WIPF2: variants seen among roughly 807,000 people sequenced by gnomAD.
The protein encoded by WIPF2 is WAS/WASL-interacting protein family member 2.
Under a neutral mutation model 38.8 loss-of-function variants are expected in WIPF2, and 23 were observed. The ratio of observed to expected loss-of-function variants is 0.59; its 90% CI spans 0.43 to 0.84. The LOEUF is 0.84. WIPF2 is among the 40% of genes least tolerant of loss of function. The pLI, the probability that WIPF2 is intolerant of heterozygous loss-of-function variation, is 0.00. For synonymous variants in WIPF2, 210 were observed against 223.2 expected (o/e 0.94, Z 0.53); for missense variants, 574 against 580.5 (o/e 0.99, Z 0.11).
intron 1 of WIPF2, among the ~76,000 whole-genome samples, chr17:40,228,011 T>G (rs2030567887): frequency 1.1e-5 from 1 of 92,892 alleles, no homozygotes. Flanking sequence ...CCTCTTTTTG[T>G]TTTTTTTTTT....
chr17:40,234,724 G>C (rs903585178), intron 1 of WIPF2, among the ~76,000 whole-genome samples: 7 of 152,146 alleles, frequency 4.6e-5, no homozygotes, highest in Non-Finnish European at 1.0e-4. Flanking sequence ...GGGAAACCTC[G>C]TTGCAGGAAT....
chr17:40,263,230 G>C (rs1395306207), intron 4 of WIPF2, among the ~76,000 whole-genome samples: 1 of 152,092 alleles, frequency 6.6e-6, no homozygotes, highest in Non-Finnish European at 1.5e-5. Flanking sequence ...GATGGTTTCA[G>C]GATGAAACTG....
At chr17:40,255,318 A>G (rs1040119834) in intron 1 of WIPF2, among the ~76,000 whole-genome samples, 1 of 151,320 alleles carries the variant, frequency 6.6e-6, no homozygotes, top group Non-Finnish European at 1.5e-5. Flanking sequence ...GGGAGCACCC[A>G]TCTTTAAATT....
chr17:40,239,221 G>A (rs947523343), intron 1 of WIPF2, among the ~76,000 whole-genome samples: 5 of 151,738 alleles, frequency 3.3e-5, no homozygotes, highest in South Asian at 2.1e-4. Flanking sequence ...ACAGGCGCCC[G>A]CCACCACGCC....
At chr17:40,220,822 T>G (rs991789496) in intron 1 of WIPF2, among the ~76,000 whole-genome samples, 3 of 146,078 alleles carry the variant, frequency 2.1e-5, no homozygotes, top group Admixed American at 7.0e-5. Flanking sequence ...TGGCCTAGGC[T>G]GGAGTGTAGC....
chr17:40,225,781 T>A (rs1310445306), intron 1 of WIPF2, among the ~76,000 whole-genome samples: 2 of 152,050 alleles, frequency 1.3e-5, no homozygotes, highest in Non-Finnish European at 2.9e-5. Context: ...TTCAGCCTCC[T>A]GTGTAGCTGG....
At chr17:40,257,272 C>T (rs765305080) in intron 2 of WIPF2, among the ~76,000 whole-genome samples, 52 of 152,124 alleles carry the variant, frequency 3.4e-4, no homozygotes, top group African/African-American at 8.4e-4. Context: ...CCACCGCGCC[C>T]GGCTTGAGGA....
chr17:40,232,333 G>A (rs2030783788), intron 1 of WIPF2, among the ~76,000 whole-genome samples: 2 of 151,462 alleles, frequency 1.3e-5, no homozygotes, highest in Admixed American at 1.3e-4. Context: ...GGAATCACAG[G>A]TGCACGCCAC....
At chr17:40,238,226 C>G (rs1044497191) in intron 1 of WIPF2, among the ~76,000 whole-genome samples, 4 of 152,066 alleles carry the variant, frequency 2.6e-5, no homozygotes, top group African/African-American at 9.7e-5. Context: ...TGTTTTGTTA[C>G]TTTGATTCTT....
At chr17:40,229,417 A>G (rs911569614) in intron 1 of WIPF2, among the ~76,000 whole-genome samples, 1 of 149,148 alleles carries the variant, frequency 6.7e-6, no homozygotes, top group African/African-American at 2.5e-5. Flanking sequence ...AAAGACATTT[A>G]TTCATTTATT....
chr17:40,225,331 T>TA (rs367969388), intron 1 of WIPF2, among the ~76,000 whole-genome samples: 31 of 147,590 alleles, frequency 2.1e-4, no homozygotes, highest in Middle Eastern at 6.9e-3. Flanking sequence ...AGAGGGCTAC[T>TA]AAAAAAAAAA....
intron 5 of WIPF2, 21 bp downstream of exon 5, chr17:40,265,167 T>C (rs2032047941): frequency 1.3e-6 from 2 of 1,571,374 alleles, no homozygotes; most frequent in African/African-American, 2.7e-5. Flanking sequence ...GGAAGCACCT[T>C]TTTCCCTATC....
At chr17:40,228,333 A>G (rs1254166673) in intron 1 of WIPF2, among the ~76,000 whole-genome samples, 1 of 151,860 alleles carries the variant, frequency 6.6e-6, no homozygotes, top group African/African-American at 2.4e-5. Flanking sequence ...ACCTCTTTTG[A>G]CTGTTACTCC....
rs1485408402 is a variant in WIPF2, at chr17:40,264,757, C to G, written c.581C>G (p.Pro194Arg). ...GCCAACGCACCCCCCACACCTCTGC[C>G]TATGCACAGCAGCAAAGCCCCCGCC... is the stretch of plus-strand genomic sequence containing the variant. ...RRANAPPTPLPMHSSKAPAYN... is the reference protein window; with the variant it reads ...RRANAPPTPLRMHSSKAPAYN... Residue 194 changes from proline to arginine, a missense_variant, in exon 5 of 8, where the codon CCT becomes CGT. Coordinates refer to ENST00000323571, the MANE Select transcript of WIPF2 (RefSeq NM_133264.5). The G allele has an allele frequency of 1.2e-6, 2 of 1,606,754 alleles. No homozygotes were observed. The highest frequency in any genetic ancestry group is 2.7e-5 in the African/African-American group (2 of 74,700).
chr17:40,221,711 A>G (rs8074315), intron 1 of WIPF2, among the ~76,000 whole-genome samples: 140 of 146 alleles, frequency 0.96, 67 homozygotes, highest in East Asian at 1. Context: ...CCCCCAAGTA[A>G]CTGGTACTAT....
intron 1 of WIPF2, among the ~76,000 whole-genome samples, chr17:40,234,558 C>T (rs910082973): frequency 6.6e-6 from 1 of 151,968 alleles, no homozygotes; most frequent in African/African-American, 2.4e-5. Context: ...TAGGTCAAGG[C>T]TGCATGCAGT....
chr17:40,237,215 A>G (rs1194673659), intron 1 of WIPF2, among the ~76,000 whole-genome samples: 1 of 146,862 alleles, frequency 6.8e-6, no homozygotes, highest in African/African-American at 2.5e-5. Context: ...TTGGTACTCT[A>G]ATTTTTTTTT....
At chr17:40,232,436 C>A (rs1322273063) in intron 1 of WIPF2, among the ~76,000 whole-genome samples, 1 of 151,204 alleles carries the variant, frequency 6.6e-6, no homozygotes, top group East Asian at 2.0e-4. Context: ...GCAGTCCACC[C>A]GCCTTGGCCT....
intron 3 of WIPF2, among the ~76,000 whole-genome samples, chr17:40,261,176 A>G (rs1023847419): frequency 2.6e-5 from 4 of 152,086 alleles, no homozygotes; most frequent in African/African-American, 9.7e-5. Flanking sequence ...TATGATTGCT[A>G]CAAGTGTCCA....
Sources: gnomAD v4.1 joint callset for allele counts (sites outside exome capture counted in the v4.1 genomes callset) on GRCh38, gnomAD v4.1.1 for gene constraint, MANE v1.5 for transcripts, NCBI Gene and HGNC (gene_info 2026-07-23, HGNC 2026-07-21) for gene names.